The following RMDN2 variants were observed in gnomAD, a reference collection of about 807,000 sequenced individuals.
RMDN2 encodes the protein regulator of microtubule dynamics 2.
Under a neutral mutation model 52.8 loss-of-function variants are expected in RMDN2, and 61 were observed. The observed-to-expected ratio is 1.16, with a 90% CI of 0.94 to 1.43. The LOEUF (loss-of-function observed/expected upper bound fraction) is 1.43, where lower values mean the gene tolerates loss of function less well. RMDN2 is among the 40% of genes most tolerant of loss of function. RMDN2 has a pLI of 0.00. For synonymous variants in RMDN2, 180 were observed against 153.1 expected (o/e 1.18, Z -1.30); for missense variants, 592 against 475.3 (o/e 1.25, Z -2.28).
At chr2:37,960,513 A>G (rs1380567815) in intron 2 of RMDN2, among the ~76,000 whole-genome samples, 1 of 151,640 alleles carries the variant, frequency 6.6e-6, no homozygotes, top group African/African-American at 2.4e-5. Flanking sequence ...CCTCCATCCC[A>G]TTATTTTGAG....
chr2:38,004,998 T>C (rs1676876584), intron 10 of RMDN2, among the ~76,000 whole-genome samples: 1 of 152,128 alleles, frequency 6.6e-6, no homozygotes, highest in Non-Finnish European at 1.5e-5. Flanking sequence ...GGTTTCCAGC[T>C]TCATCCATGT....
At chr2:37,927,563 T>G (rs537809439) in intron 1 of RMDN2, among the ~76,000 whole-genome samples, 1 of 152,334 alleles carries the variant, frequency 6.6e-6, no homozygotes, top group South Asian at 2.1e-4. Context: ...ATTTTCAAAC[T>G]AGGCTATATT....
At chr2:37,944,449 A>C (rs1419806090) in intron 2 of RMDN2, among the ~76,000 whole-genome samples, 1 of 152,230 alleles carries the variant, frequency 6.6e-6, no homozygotes, top group Non-Finnish European at 1.5e-5. Flanking sequence ...CATTCCAATA[A>C]AACTTTATTT....
At chr2:38,013,291 T>C (rs1340787866) in intron 10 of RMDN2, among the ~76,000 whole-genome samples, 2 of 152,212 alleles carry the variant, frequency 1.3e-5, no homozygotes, top group South Asian at 2.1e-4. Context: ...ATAAAAAGCA[T>C]TATGTAATGT....
chr2:38,017,279 C>T lies in RMDN2; in HGVS notation c.*40C>T. 2 of 1,477,498 alleles carry T rather than the reference C, an allele frequency of 1.4e-6. No individual in the cohort carries two copies. The highest frequency in any genetic ancestry group is 9.0e-7 in the Non-Finnish European group (1 of 1,111,378). 91.5% of individuals were successfully genotyped at this position (1,477,498 alleles called of 1,614,324 possible). ...TCTTCAACAAATCAGATGTGGTCTA[C>T]CAAAATTTAAATGAATCAAAGTTGT... On this transcript the variant is annotated 3_prime_UTR_variant, in exon 11 of 11. Transcript: ENST00000354545.
chr2:37,977,307 G>T (rs925698359), intron 4 of RMDN2, among the ~76,000 whole-genome samples: 3 of 151,994 alleles, frequency 2.0e-5, no homozygotes, highest in Non-Finnish European at 4.4e-5. Flanking sequence ...TTTTCTATTC[G>T]ACAAAACCGC....
chr2:37,983,413 T>A (rs922974559), intron 5 of RMDN2, among the ~76,000 whole-genome samples: 3 of 152,234 alleles, frequency 2.0e-5, no homozygotes, highest in African/African-American at 7.2e-5. Context: ...TGTTGAGAAC[T>A]AAATGCCTTG....
chr2:37,950,600 G>A, intron 2 of RMDN2: 1 of 1,613,026 alleles, frequency 6.2e-7, no homozygotes, highest in Non-Finnish European at 8.5e-7. Context: ...CTTAAGGTAA[G>A]CCTTAGAAAA....
At chr2:38,064,702 A>G (rs891175174) in intron 10 of RMDN2, among the ~76,000 whole-genome samples, 1 of 152,124 alleles carries the variant, frequency 6.6e-6, no homozygotes, top group African/African-American at 2.4e-5. Context: ...ACCATCGAAT[A>G]GTGGAGATAT....
intron 10 of RMDN2, 104 bp from the exon 11 acceptor site, chr2:38,017,082 T>C (rs754655539): frequency 1.3e-5 from 7 of 547,568 alleles, no homozygotes; most frequent in Non-Finnish European, 1.8e-5. Context: ...CTTAAAGTTC[T>C]CATGTTGGGG....
intron 5 of RMDN2, among the ~76,000 whole-genome samples, chr2:37,986,898 T>C (rs1674094864): frequency 6.6e-6 from 1 of 152,036 alleles, no homozygotes; most frequent in South Asian, 2.1e-4. Flanking sequence ...TTCCCACCAT[T>C]GAGAAACTAA....
Position 37,982,064 on chromosome 2 carries a change from C to T in RMDN2, c.791+721C>T, listed in dbSNP as rs190240226. On this transcript the variant is annotated intron_variant, in intron 5 of 10. Coordinates refer to ENST00000354545, the MANE Select transcript of RMDN2 (RefSeq NM_001170791.3). ...GAAGATACAATAATAAATGTATGAC[C>T]CTTTCTTCAGCCCTAAGTTTCCAGA... 6.8e-4 allele frequency among the ~76,000 whole-genome samples: 104 copies of T among 152,078 alleles called. No individual in the cohort carries two copies. The Middle Eastern group carries it at 0.01, about 15-fold the overall frequency.
At chr2:37,962,310 G>A (rs1670348913) in intron 2 of RMDN2, among the ~76,000 whole-genome samples, 1 of 152,202 alleles carries the variant, frequency 6.6e-6, no homozygotes, top group Non-Finnish European at 1.5e-5. Flanking sequence ...CTTCCCCCAG[G>A]TGTTCTGTCC....
chr2:37,933,998 CCT>C (rs758931700), intron 2 of RMDN2, among the ~76,000 whole-genome samples: 36 of 152,192 alleles, frequency 2.4e-4, no homozygotes, highest in Non-Finnish European at 4.1e-4. Context: ...AGAGTCATCC[CCT>C]CTTTCCCATT....
At chr2:37,980,268 A>T (rs1673125455) in intron 4 of RMDN2, among the ~76,000 whole-genome samples, 1 of 152,128 alleles carries the variant, frequency 6.6e-6, no homozygotes, top group African/African-American at 2.4e-5. Context: ...AGATTTTCCA[A>T]GCCATAAACA....
intron 5 of RMDN2, among the ~76,000 whole-genome samples, chr2:37,988,726 T>G (rs919428892): frequency 1.3e-5 from 2 of 152,230 alleles, no homozygotes; most frequent in Non-Finnish European, 2.9e-5. Context: ...AATGGATATT[T>G]TACCTTAGAC....
At chr2:38,000,558 G>C (rs1218964804) in intron 8 of RMDN2, among the ~76,000 whole-genome samples, 1 of 152,038 alleles carries the variant, frequency 6.6e-6, no homozygotes, top group Non-Finnish European at 1.5e-5. Flanking sequence ...CTATAAATTA[G>C]TTTTGCCCAT....
At chr2:38,043,842 A>G (rs1049802002) in intron 10 of RMDN2, among the ~76,000 whole-genome samples, 5 of 152,040 alleles carry the variant, frequency 3.3e-5, no homozygotes, top group African/African-American at 1.2e-4. Context: ...CATATGCCAT[A>G]ATCGCCCAAT....
chr2:37,947,971 T>C (rs1364556798), intron 2 of RMDN2, among the ~76,000 whole-genome samples: 1 of 152,096 alleles, frequency 6.6e-6, no homozygotes, highest in Non-Finnish European at 1.5e-5. Context: ...AGTCCTAGTA[T>C]TGTTCACTGT....
Sources: allele counts gnomAD v4.1 joint callset (sites outside exome capture counted in the v4.1 genomes callset), GRCh38; gene constraint gnomAD v4.1.1; transcripts MANE v1.5; gene names NCBI Gene and HGNC (gene_info 2026-07-23, HGNC 2026-07-21).